The following DAB1 variants were observed in gnomAD, a reference collection of about 807,000 sequenced individuals.
The protein encoded by DAB1 is DAB adaptor protein 1.
In DAB1, 15 loss-of-function variants were observed where a neutral mutation model predicts 64.6. The ratio of observed to expected loss-of-function variants is 0.23; its 90% CI spans 0.16 to 0.36. DAB1 has a LOEUF of 0.36. Ranked by LOEUF, DAB1 falls within the 10% of genes least tolerant of loss-of-function variation. The pLI, the probability that DAB1 is intolerant of heterozygous loss-of-function variation, is 1.00. For missense variants in DAB1, 596 were observed against 706.7 expected (o/e 0.84, Z 1.78); for synonymous variants, 235 against 251.9 (o/e 0.93, Z 0.64).
chr1:57,273,549 G>C (rs145842196), intron 2 of DAB1, among the ~76,000 whole-genome samples: 1 of 75,772 alleles, frequency 1.3e-5, no homozygotes, highest in African/African-American at 5.0e-5. Flanking sequence ...CTGCCTGCCT[G>C]CCTGCCTTCC....
At chr1:57,114,449 A>T (rs1202394872) in intron 4 of DAB1, among the ~76,000 whole-genome samples, 1 of 152,198 alleles carries the variant, frequency 6.6e-6, no homozygotes, top group Admixed American at 6.5e-5. Flanking sequence ...CTTAAAGAGA[A>T]TTCCATTTAT....
Position 57,486,513 on chromosome 1 carries a change from T to C in DAB1, n.625+163079A>G, listed in dbSNP as rs1644093908. Among the ~76,000 whole-genome samples the C allele has an allele frequency of 2.0e-5, 3 of 152,224 alleles. No homozygotes were observed. The South Asian group carries it at 6.2e-4, about 32-fold the overall frequency. On this transcript the variant is annotated intron_variant and non_coding_transcript_variant, in intron 7 of 20. Coordinates refer to the DAB1 transcript ENST00000485760. ...TAATTGTCTGTCTGTGTGGAAAGTGTAAGCTTCCCGGAATGGTAGTAAATT... is the reference window on the plus strand; with the variant it reads ...TAATTGTCTGTCTGTGTGGAAAGTGCAAGCTTCCCGGAATGGTAGTAAATT...
chr1:57,231,392 A>G (rs1026607935), intron 2 of DAB1, among the ~76,000 whole-genome samples: 1 of 152,138 alleles, frequency 6.6e-6, no homozygotes, highest in Non-Finnish European at 1.5e-5. Context: ...CTACGTATCT[A>G]CTTCTTCCAT....
intron 7 of DAB1, among the ~76,000 whole-genome samples, chr1:57,566,912 C>A (rs1645129491): frequency 6.6e-6 from 1 of 152,122 alleles, no homozygotes; most frequent in South Asian, 2.1e-4. Flanking sequence ...GGGAATCCTC[C>A]CTAACTCATT....
intron 7 of DAB1, among the ~76,000 whole-genome samples, chr1:57,635,399 G>A (rs961918475): frequency 2.6e-5 from 4 of 152,200 alleles, no homozygotes; most frequent in Admixed American, 6.5e-5. Flanking sequence ...CATCGCTTGC[G>A]TTACTGCCTG....
At chr1:57,349,890 G>A (rs1678439218) in intron 1 of DAB1, among the ~76,000 whole-genome samples, 1 of 152,146 alleles carries the variant, frequency 6.6e-6, no homozygotes, top group Admixed American at 6.5e-5. Flanking sequence ...CAATAATTAT[G>A]TCTGCAGAAT....
intron 5 of DAB1, among the ~76,000 whole-genome samples, chr1:57,917,772 T>A (rs565819985): frequency 4.9e-4 from 74 of 152,284 alleles, no homozygotes; most frequent in African/African-American, 1.7e-3. Context: ...CCCTCTTCTT[T>A]CCCTTTTTAA....
At chr1:57,304,857 A>C (rs1392050152) in intron 1 of DAB1, among the ~76,000 whole-genome samples, 3 of 152,212 alleles carry the variant, frequency 2.0e-5, no homozygotes, top group Non-Finnish European at 4.4e-5. Context: ...CTATGATGAG[A>C]AATCTGATAT....
chr1:58,249,572 A>G lies in DAB1; in HGVS notation n.309+93780T>C, dbSNP rs568763342. ...GCCAGCTTGCCTGGTTTCTAGATAC[A>G]TAAGTGGACAGAAAAGAAATGAAGA... On this transcript the variant is annotated intron_variant and non_coding_transcript_variant, in intron 4 of 20. Coordinates refer to the DAB1 transcript ENST00000485760. Among the ~76,000 whole-genome samples, 23 of 152,262 alleles carry G rather than the reference A, an allele frequency of 1.5e-4. 2 individuals are homozygous for G. The East Asian group carries it at 3.9e-3, about 26-fold the overall frequency.
intron 7 of DAB1, among the ~76,000 whole-genome samples, chr1:57,477,183 A>G (rs1643949015): frequency 6.6e-6 from 1 of 152,218 alleles, no homozygotes; most frequent in African/African-American, 2.4e-5. Flanking sequence ...AACAACATGC[A>G]AAACGGTTGA....
At chr1:57,932,502 G>A (rs899589459) in intron 5 of DAB1, among the ~76,000 whole-genome samples, 5 of 144,944 alleles carry the variant, frequency 3.4e-5, no homozygotes, top group African/African-American at 8.2e-5. Flanking sequence ...TAGTAGAGAC[G>A]GGGTTTCACC....
intron 7 of DAB1, among the ~76,000 whole-genome samples, chr1:57,493,899 G>A (rs1644197228): frequency 6.6e-6 from 1 of 151,896 alleles, no homozygotes; most frequent in Non-Finnish European, 1.5e-5. Flanking sequence ...TTTTCCATTG[G>A]CAACAACCCG....
intron 5 of DAB1, among the ~76,000 whole-genome samples, chr1:58,068,269 A>C (rs533959885): frequency 6.6e-6 from 1 of 152,362 alleles, no homozygotes; most frequent in South Asian, 2.1e-4. Context: ...GGGTCCTTGC[A>C]TCTCTATCGT....
chr1:57,043,904 T>C (rs968471099), intron 9 of DAB1, among the ~76,000 whole-genome samples: 11 of 151,580 alleles, frequency 7.3e-5, no homozygotes, highest in African/African-American at 2.7e-4. Flanking sequence ...AAATCCAACC[T>C]CCTCACCACT....
intron 5 of DAB1, among the ~76,000 whole-genome samples, chr1:58,115,137 A>G (rs536808521): frequency 2.0e-4 from 26 of 133,032 alleles, no homozygotes; most frequent in African/African-American, 5.5e-4. Flanking sequence ...AAACAAATTT[A>G]CAACAAAAAA....
chr1:58,138,565 A>T (rs978042832), intron 5 of DAB1, among the ~76,000 whole-genome samples: 15 of 152,154 alleles, frequency 9.9e-5, no homozygotes, highest in Non-Finnish European at 8.8e-5. Context: ...GGATCTGATC[A>T]TGGGGCACTG....
At chr1:57,289,889 T>C (rs1457129313) in intron 2 of DAB1, among the ~76,000 whole-genome samples, 2 of 124,402 alleles carry the variant, frequency 1.6e-5, no homozygotes, top group Non-Finnish European at 3.5e-5. Flanking sequence ...TCATATTTAA[T>C]TGGCAGGGGT....
chr1:57,871,569 C>A (rs1406574994), intron 1 of DAB1, among the ~76,000 whole-genome samples: 3 of 152,116 alleles, frequency 2.0e-5, no homozygotes, highest in African/African-American at 7.2e-5. Context: ...CACATAGAAA[C>A]CATGGCAAAG....
chr1:57,274,674 G>A (rs1018683502), intron 2 of DAB1, among the ~76,000 whole-genome samples: 5 of 152,098 alleles, frequency 3.3e-5, no homozygotes, highest in Non-Finnish European at 5.9e-5. Context: ...TCTGCCTCCT[G>A]GGCTCAAGCG....
Sources: gnomAD v4.1 joint callset for allele counts (sites outside exome capture counted in the v4.1 genomes callset) on GRCh38, gnomAD v4.1.1 for gene constraint, MANE v1.5 for transcripts, NCBI Gene and HGNC (gene_info 2026-07-23, HGNC 2026-07-21) for gene names.